The following COBL variants were observed in gnomAD, a reference collection of about 807,000 sequenced individuals.
COBL encodes cordon-bleu WH2 repeat protein.
A neutral mutation model predicts 98.8 loss-of-function variants in COBL; 51 were observed. The ratio of observed to expected loss-of-function variants is 0.52; its 90% CI spans 0.41 to 0.65. The LOEUF is 0.65. Ranked by LOEUF, COBL falls within the 30% of genes least tolerant of loss-of-function variation. The pLI is 0.00. For missense variants in COBL, 1,617 were observed against 1,617.5 expected (o/e 1.00, Z 0.01); for synonymous variants, 634 against 651.7 (o/e 0.97, Z 0.41).
intron 7 of COBL, chr7:51,070,777 G>T (rs1375054357): frequency 1.3e-5 from 2 of 151,238 alleles, no homozygotes; most frequent in African/African-American, 4.8e-5. Flanking sequence ...GATTATAATG[G>T]GTGCTAAAAT....
intron 5 of COBL, among the ~76,000 whole-genome samples, chr7:51,143,414 A>T (rs1267401196): frequency 6.6e-6 from 1 of 152,226 alleles, no homozygotes; most frequent in Non-Finnish European, 1.5e-5. Context: ...TAACTGACTT[A>T]TAAGTTCAGT....
chr7:51,125,334 G>A (rs1241069487), intron 6 of COBL, among the ~76,000 whole-genome samples: 4 of 152,176 alleles, frequency 2.6e-5, no homozygotes. Context: ...GCAAGCCAAG[G>A]AGGAGCCTCA....
At chr7:51,027,626 C>T in intron 10 of COBL, 86 bp downstream of exon 10, 1 of 1,157,580 alleles carries the variant, frequency 8.6e-7, no homozygotes, top group East Asian at 2.4e-5. Flanking sequence ...GTCTCTCTCT[C>T]TCCTCCGCTT....
At chr7:51,255,260 A>C (rs1278515903) in intron 1 of COBL, among the ~76,000 whole-genome samples, 2 of 152,202 alleles carry the variant, frequency 1.3e-5, no homozygotes, top group African/African-American at 4.8e-5. Context: ...CTGCTGCCCG[A>C]GGCACTGCTG....
chr7:51,139,112 A>G (rs909375015), intron 5 of COBL, among the ~76,000 whole-genome samples: 4 of 152,178 alleles, frequency 2.6e-5, no homozygotes, highest in African/African-American at 9.7e-5. Context: ...CATCCTGGAC[A>G]TTTTGCATTA....
At chr7:51,290,919 G>A (rs1244991934) in intron 1 of COBL, among the ~76,000 whole-genome samples, 1 of 152,050 alleles carries the variant, frequency 6.6e-6, no homozygotes, top group Non-Finnish European at 1.5e-5. Context: ...ACACCACACT[G>A]TACTGCATGG....
intron 7 of COBL, among the ~76,000 whole-genome samples, chr7:51,062,530 T>C (rs1277120912): frequency 6.6e-6 from 1 of 152,290 alleles, no homozygotes; most frequent in Middle Eastern, 3.4e-3. Context: ...GGCCAACAAG[T>C]GGCCACTCCA....
At chr7:51,093,752 G>A (rs1795021364) in intron 6 of COBL, among the ~76,000 whole-genome samples, 1 of 152,086 alleles carries the variant, frequency 6.6e-6, no homozygotes, top group Non-Finnish European at 1.5e-5. Context: ...AGTTTAGCCA[G>A]GTATGGTGGC....
chr7:51,232,950 A>G (rs567038285), intron 1 of COBL, among the ~76,000 whole-genome samples: 1 of 152,232 alleles, frequency 6.6e-6, no homozygotes, highest in African/African-American at 2.4e-5. Context: ...GTGTTAGTTT[A>G]ATGATTAAGG....
intron 6 of COBL, among the ~76,000 whole-genome samples, chr7:51,111,580 T>A (rs1253700468): frequency 6.6e-6 from 1 of 152,152 alleles, no homozygotes; most frequent in East Asian, 1.9e-4. Context: ...GTGTCCTCTC[T>A]CGCTGAACTG....
intron 7 of COBL, chr7:51,065,142 G>T (rs1225791483): frequency 1.4e-6 from 1 of 700,672 alleles, no homozygotes; most frequent in South Asian, 1.5e-5. Context: ...AGTGTTAGCT[G>T]ATTAGGGATT....
At chr7:51,250,668 T>C (rs1324101210) in intron 1 of COBL, among the ~76,000 whole-genome samples, 1 of 152,244 alleles carries the variant, frequency 6.6e-6, no homozygotes, top group Non-Finnish European at 1.5e-5. Context: ...GAAGTTGTCC[T>C]TGAACCTTAA....
At chr7:51,302,892 G>A (rs552879725) in intron 1 of COBL, among the ~76,000 whole-genome samples, 12 of 152,164 alleles carry the variant, frequency 7.9e-5, no homozygotes, top group South Asian at 4.2e-4. Flanking sequence ...TGTTACAGAC[G>A]CCTCACCCCT....
rs775146800 is a variant in COBL at position 51,030,800 on chromosome 7, G to A, written c.1504+12C>T. 1 of 1,556,004 alleles carries A rather than the reference G, an allele frequency of 6.4e-7. No homozygotes were observed. The highest frequency in any genetic ancestry group is 1.4e-5 in the African/African-American group (1 of 73,662). The stretch of plus-strand genomic sequence containing the variant: ...AGCATAATATCAGAGTAGCGGATCA[G>A]GTGGTTCTTACCTTCCAGGTCTTCA... On this transcript the variant is annotated intron_variant, in intron 9 of 12. Coordinates refer to ENST00000265136, the MANE Select transcript of COBL (RefSeq NM_015198.5).
chr7:51,280,435 C>T (rs1275152497), intron 1 of COBL, among the ~76,000 whole-genome samples: 1 of 152,168 alleles, frequency 6.6e-6, no homozygotes, highest in African/African-American at 2.4e-5. Context: ...GCTTCAAACA[C>T]AAAAAGAGGA....
At chr7:51,182,240 A>G (rs1396950903) in intron 5 of COBL, among the ~76,000 whole-genome samples, 1 of 152,004 alleles carries the variant, frequency 6.6e-6, no homozygotes, top group African/African-American at 2.4e-5. Flanking sequence ...CAACAAGACA[A>G]CATTCAAAGA....
intron 5 of COBL, among the ~76,000 whole-genome samples, chr7:51,164,979 T>G (rs747954492): frequency 2.0e-5 from 3 of 151,814 alleles, no homozygotes; most frequent in Non-Finnish European, 2.9e-5. Context: ...TCCAACGAAA[T>G]AACATACAAT....
chr7:51,153,177 A>AT (rs760668829), intron 5 of COBL, among the ~76,000 whole-genome samples: 5 of 152,264 alleles, frequency 3.3e-5, no homozygotes, highest in Admixed American at 2.6e-4. Context: ...AGCTCATAGC[A>AT]TAAAAAAAAG....
chr7:51,120,416 TCTTA>T (rs1450189790), intron 6 of COBL, among the ~76,000 whole-genome samples: 3 of 152,178 alleles, frequency 2.0e-5, no homozygotes, highest in Non-Finnish European at 4.4e-5. Context: ...AGTAAAAAGA[TCTTA>T]CTTAAGGTTA....
Sources: gnomAD v4.1 joint callset for allele counts (sites outside exome capture counted in the v4.1 genomes callset) on GRCh38, gnomAD v4.1.1 for gene constraint, MANE v1.5 for transcripts, NCBI Gene and HGNC (gene_info 2026-07-23, HGNC 2026-07-21) for gene names.